The following HNF4A variants were observed in gnomAD, a reference collection of about 807,000 sequenced individuals.
HNF4A encodes the protein hepatocyte nuclear factor 4 alpha, also known as hepatocyte nuclear factor 4-alpha.
Under a neutral mutation model 52.4 loss-of-function variants are expected in HNF4A, and 15 were observed. The ratio of observed to expected loss-of-function variants is 0.29; its 90% CI spans 0.19 to 0.44. The LOEUF is 0.44. Among genes scored for constraint, HNF4A ranks in the 20% least tolerant of loss-of-function variants. The pLI is 1.00. For synonymous variants in HNF4A, 280 were observed against 264.4 expected, an observed-to-expected ratio of 1.06 and a Z score of -0.57; for missense variants, 479 against 647.2, an observed-to-expected ratio of 0.74 and a Z score of 2.82.
At chr20:44,412,514 C>T (rs560078562) in intron 3 of HNF4A, among the ~76,000 whole-genome samples, 7 of 152,050 alleles carry the variant, frequency 4.6e-5, no homozygotes, top group South Asian at 2.1e-4. Context: ...AGGGGGAAGC[C>T]GGTAAAAGGT....
intron 1 of HNF4A, among the ~76,000 whole-genome samples, chr20:44,405,641 A>G (rs1371473559): frequency 6.6e-6 from 1 of 152,156 alleles, no homozygotes; most frequent in Non-Finnish European, 1.5e-5. Context: ...ACACAAGCTG[A>G]GATCCACCCA....
At chr20:44,402,807 C>T (rs1383125299) in intron 1 of HNF4A, among the ~76,000 whole-genome samples, 3 of 152,188 alleles carry the variant, frequency 2.0e-5, no homozygotes, top group African/African-American at 7.2e-5. Context: ...GGCTGCAGCT[C>T]CAGCTGAGGT....
chr20:44,409,988 C>T (rs3212187), intron 3 of HNF4A, among the ~76,000 whole-genome samples: 13,734 of 152,214 alleles, frequency 0.09, 1,447 homozygotes, highest in East Asian at 0.5. Flanking sequence ...CAGGCATGTG[C>T]CACCACACCT....
chr20:44,400,341 GGGA>G (rs149497890), upstream of HNF4A, among the ~76,000 whole-genome samples: 5,461 of 148,260 alleles, frequency 0.037, 148 homozygotes, highest in Non-Finnish European at 0.057. Flanking sequence ...AACAGGGAGA[GGGA>G]GGAGGGGGAA....
intron 1 of HNF4A, among the ~76,000 whole-genome samples, chr20:44,363,216 T>C (rs912915881): frequency 9.2e-5 from 14 of 152,140 alleles, no homozygotes; most frequent in African/African-American, 3.4e-4. Context: ...ATAATACCAT[T>C]TACTTCACAG....
intron 1 of HNF4A, among the ~76,000 whole-genome samples, chr20:44,381,244 C>T (rs539706487): frequency 2.0e-5 from 3 of 149,684 alleles, no homozygotes; most frequent in East Asian, 3.9e-4. Flanking sequence ...TTTTGGTCCT[C>T]GTTCATTCTC....
intron 1 of HNF4A, among the ~76,000 whole-genome samples, chr20:44,383,041 C>T (rs1407771156): frequency 6.6e-6 from 1 of 152,094 alleles, no homozygotes; most frequent in Non-Finnish European, 1.5e-5. Flanking sequence ...TGGTGGTCCA[C>T]ACATGTAGTC....
Position 44,355,970 on chromosome 20 carries a change from G to A in HNF4A, c.49+117G>A, listed in dbSNP as rs1426569044. The stretch of plus-strand genomic sequence containing the variant: ...CAAAGCTCCTCCTGGAGCTCCTCTG[G>A]AAGGGCAGGAAGCCCCACGGAGGCA... On this transcript the variant is annotated intron_variant, in intron 1 of 9. Coordinates refer to the HNF4A transcript ENST00000316673. 3 of 864,952 alleles carry A rather than the reference G, an allele frequency of 3.5e-6. No homozygotes were observed. The East Asian group carries it at 8.0e-5, about 23-fold the overall frequency. 53.6% of individuals were successfully genotyped at this position (864,952 alleles called of 1,614,324 possible).
Position 44,429,387 on chromosome 20 carries a change from TTC to T in HNF4A, c.1283-131_1283-130del. ...CTTAGGGATTATCTGGTTTAATTAA[TTC>T]TCTCATTTTATAGAGGAAGAAATTA... On this transcript the variant is annotated intron_variant, in intron 9 of 9. Transcript: ENST00000316099. 3 of 916,636 alleles carry T rather than the reference TTC, an allele frequency of 3.3e-6. No individual in the cohort carries two copies. In the East Asian group the frequency reaches 7.2e-5, roughly 22 times the overall value. 56.8% of individuals were successfully genotyped at this position (916,636 alleles called of 1,614,324 possible). A position where few individuals can be genotyped will look rare whatever the true frequency, so the allele number is the denominator to read the frequency against.
chr20:44,379,600 G>T (rs1306316278), intron 1 of HNF4A, among the ~76,000 whole-genome samples: 1 of 151,912 alleles, frequency 6.6e-6, no homozygotes, highest in Non-Finnish European at 1.5e-5. Flanking sequence ...CGCCCAGGCT[G>T]GAGTGCAGTA....
chr20:44,400,046 G>C (rs1163785817), upstream of HNF4A, among the ~76,000 whole-genome samples: 1 of 152,222 alleles, frequency 6.6e-6, no homozygotes, highest in African/African-American at 2.4e-5. Flanking sequence ...CTGCACAGAA[G>C]GCAATGAGGG....
rs768911433 is a variant in HNF4A at position 44,406,054 on chromosome 20, G to A, written c.116-4G>A. 1.1e-5 allele frequency: 18 copies of A among 1,611,490 alleles called. No homozygotes were observed. Among genetic ancestry groups the A allele is most frequent in the Admixed American group, 5.0e-5 (3 of 60,002 alleles). On this transcript the variant is annotated splice_region_variant and splice_polypyrimidine_tract_variant and intron_variant, in intron 1 of 9. Transcript: ENST00000316099. ...AAGCCTCACTCCCTTCTCTCCTGGC[G>A]CAGACACGTCCCCATCAGAAGGCAC... is the stretch of plus-strand genomic sequence containing the variant.
At chr20:44,359,475 A>G (rs764439873) in intron 1 of HNF4A, among the ~76,000 whole-genome samples, 2 of 152,206 alleles carry the variant, frequency 1.3e-5, no homozygotes, top group Non-Finnish European at 2.9e-5. Context: ...GAAGACAAGT[A>G]TGTAGTGGAA....
chr20:44,424,808 G>A (rs1202082734), intron 8 of HNF4A, among the ~76,000 whole-genome samples: 2 of 152,158 alleles, frequency 1.3e-5, no homozygotes, highest in East Asian at 3.9e-4. Context: ...GCTGCGGATA[G>A]GAGAGAGTGT....
chr20:44,405,101 TGCGTAGC>T (rs2063481471), intron 1 of HNF4A, among the ~76,000 whole-genome samples: 1 of 7,106 alleles, frequency 1.4e-4, no homozygotes, highest in African/African-American at 5.2e-4. Flanking sequence ...TGTGTGCTTG[TGCGTAGC>T]GTGTGTGCGT....
intron 1 of HNF4A, among the ~76,000 whole-genome samples, chr20:44,364,836 T>G (rs142355324): frequency 2.0e-5 from 3 of 152,296 alleles, no homozygotes; most frequent in Admixed American, 1.3e-4. Context: ...AATGCAGACT[T>G]TAAGTTAGAA....
chr20:44,417,891 C>T (rs182731654), intron 5 of HNF4A, among the ~76,000 whole-genome samples: 1 of 151,658 alleles, frequency 6.6e-6, no homozygotes, highest in East Asian at 1.9e-4. Flanking sequence ...ATCACTTGAA[C>T]CTGGGAGGCG....
chr20:44,389,464 G>A (rs1289537789), intron 1 of HNF4A, among the ~76,000 whole-genome samples: 1 of 152,160 alleles, frequency 6.6e-6, no homozygotes, highest in African/African-American at 2.4e-5. Flanking sequence ...AGTATTTCTT[G>A]TGTATCTTAA....
chr20:44,422,336 C>T (rs527871245), intron 7 of HNF4A, among the ~76,000 whole-genome samples: 4 of 152,256 alleles, frequency 2.6e-5, no homozygotes, highest in Admixed American at 1.3e-4. Context: ...GAGGCAGCAG[C>T]CTCCAGCAAT....
Sources: allele counts gnomAD v4.1 joint callset (sites outside exome capture counted in the v4.1 genomes callset), GRCh38; gene constraint gnomAD v4.1.1; transcripts MANE v1.5; gene names NCBI Gene and HGNC (gene_info 2026-07-23, HGNC 2026-07-21).